The following CUX1 variants were observed in gnomAD, a reference collection of about 807,000 sequenced individuals.
CUX1 encodes the protein cut like homeobox 1.
A neutral mutation model predicts 158.8 loss-of-function variants in CUX1; 31 were observed. That is an observed-to-expected ratio of 0.20 (90% confidence interval 0.15 to 0.26). CUX1 has a LOEUF of 0.26. Ranked by LOEUF, CUX1 falls within the 10% of genes least tolerant of loss-of-function variation. The pLI is 1.00. For synonymous variants in CUX1, 879 were observed against 862.1 expected (o/e 1.02, Z -0.34); for missense variants, 1,589 against 2,014.6 (o/e 0.79, Z 4.04).
At chr7:102,179,018 C>T (rs1586070900) in intron 11 of CUX1, among the ~76,000 whole-genome samples, 1 of 152,176 alleles carries the variant, frequency 6.6e-6, no homozygotes, top group African/African-American at 2.4e-5. Context: ...GCGTGCATCA[C>T]CATGCCCGGC....
At chr7:102,033,548 A>T (rs1315541231) in intron 3 of CUX1, among the ~76,000 whole-genome samples, 1 of 152,240 alleles carries the variant, frequency 6.6e-6, no homozygotes, top group African/African-American at 2.4e-5. Flanking sequence ...AGGGAATGTT[A>T]TAAGCAACTT....
intron 8 of CUX1, among the ~76,000 whole-genome samples, chr7:102,126,543 C>T (rs782750590): frequency 1.3e-5 from 2 of 152,068 alleles, no homozygotes; most frequent in African/African-American, 2.4e-5. Flanking sequence ...CTAAACCCAT[C>T]GTAACTTGTA....
chr7:102,272,265 A>G (rs2960236), intron 14 of CUX1, among the ~76,000 whole-genome samples: 152,161 of 152,380 alleles, frequency 1, 75,971 homozygotes, highest in Middle Eastern at 1. Context: ...CCAGGACACT[A>G]AGCCCAGCCA....
At chr7:102,139,552 T>C (rs1395873888) in intron 8 of CUX1, among the ~76,000 whole-genome samples, 1 of 152,180 alleles carries the variant, frequency 6.6e-6, no homozygotes, top group Non-Finnish European at 1.5e-5. Flanking sequence ...CCCAGCACTT[T>C]GAGAGGCCAA....
chr7:102,171,442 T>G (rs1396790971), intron 10 of CUX1, among the ~76,000 whole-genome samples: 4 of 151,742 alleles, frequency 2.6e-5, no homozygotes, highest in South Asian at 2.1e-4. Context: ...GTTTTGGGTT[T>G]TTTTTTTTTT....
At chr7:101,911,085 C>T (rs1343325823) in intron 1 of CUX1, among the ~76,000 whole-genome samples, 1 of 152,282 alleles carries the variant, frequency 6.6e-6, no homozygotes, top group Non-Finnish European at 1.5e-5. Flanking sequence ...CCTGTGTGCA[C>T]GTAGGCCTTG....
chr7:101,857,885 G>A (rs1797043287), intron 1 of CUX1, among the ~76,000 whole-genome samples: 1 of 152,282 alleles, frequency 6.6e-6, no homozygotes, highest in South Asian at 2.1e-4. Flanking sequence ...CACTTTGGGA[G>A]GCCGAAGTGG....
At chr7:102,235,575 G>A (rs1366642597) in intron 22 of CUX1, among the ~76,000 whole-genome samples, 4 of 151,926 alleles carry the variant, frequency 2.6e-5, no homozygotes, top group South Asian at 2.1e-4. Context: ...GGTGGCGCAC[G>A]CCCGTAATCC....
chr7:102,277,292 G>A (rs1554547938), intron 17 of CUX1, among the ~76,000 whole-genome samples: 2 of 151,998 alleles, frequency 1.3e-5, no homozygotes, highest in Non-Finnish European at 1.5e-5. Context: ...GCAAGACCCT[G>A]TCTCTAAAAT....
At chr7:102,091,176 C>A (rs1828546390) in intron 4 of CUX1, among the ~76,000 whole-genome samples, 4 of 152,176 alleles carry the variant, frequency 2.6e-5, no homozygotes, top group African/African-American at 9.7e-5. Flanking sequence ...CCTCAACAAG[C>A]ATTAAAGCAC....
chr7:102,040,843 G>T (rs1821977319), intron 3 of CUX1, among the ~76,000 whole-genome samples: 1 of 152,200 alleles, frequency 6.6e-6, no homozygotes, highest in Non-Finnish European at 1.5e-5. Context: ...GCCCGACTTT[G>T]CTCATCTGTA....
intron 2 of CUX1, among the ~76,000 whole-genome samples, chr7:102,020,465 A>G (rs935066474): frequency 2.9e-4 from 44 of 152,234 alleles, no homozygotes; most frequent in African/African-American, 1.0e-3. Flanking sequence ...GAGCTCTTGT[A>G]TACATTGATA....
chr7:102,248,047 C>T lies in CUX1; in HGVS notation c.3888-365C>T, dbSNP rs945331301. On this transcript the variant is annotated intron_variant, in intron 23 of 23. Transcript: ENST00000292535. This position sits in a 1 kb window ranked among gnomAD's most constrained non-coding sequence, Gnocchi z 5.8. The stretch of plus-strand genomic sequence containing the variant: ...TCTGGAGGCTGAGGCAGGAGAATCG[C>T]TTGAACCCAGGAGGCAGAGGTTGCA... 6.6e-6 allele frequency among the ~76,000 whole-genome samples: 1 copy of T among 152,216 alleles called. No individual in the cohort carries two copies. Among genetic ancestry groups the T allele is most frequent in the Non-Finnish European group, 1.5e-5 (1 of 68,038 alleles).
chr7:101,854,696 TCACACAC>T lies in CUX1; in HGVS notation c.30+37028_30+37034del, dbSNP rs1562931360. On this transcript the variant is annotated intron_variant, in intron 1 of 23. Transcript: ENST00000292535. ...CAGTGATGGTTCTGCCTGTTTTTAG[TCACACAC>T]ACCTGCACACTTCAAAGGACTAAAA... Among the ~76,000 whole-genome samples the T allele has an allele frequency of 4.6e-5, 7 of 152,346 alleles. No individual in the cohort carries two copies. The South Asian group carries it at 1.5e-3, about 32-fold the overall frequency.
At chr7:102,173,977 C>T (rs1554511116) in intron 10 of CUX1, among the ~76,000 whole-genome samples, 2 of 152,160 alleles carry the variant, frequency 1.3e-5, no homozygotes, top group East Asian at 3.9e-4. Flanking sequence ...AGCAGAGAAA[C>T]GGTGGAGTCT....
intron 1 of CUX1, among the ~76,000 whole-genome samples, chr7:101,850,421 C>CTTTTTTTTTTTT (rs545679696): frequency 1.3e-4 from 14 of 104,648 alleles, no homozygotes; most frequent in East Asian, 2.7e-4. Flanking sequence ...TTCTTTCTTT[C>CTTTTTTTTTTTT]TTTTTTTTTT....
At chr7:102,075,790 TG>T (rs1290829528) in intron 4 of CUX1, among the ~76,000 whole-genome samples, 6 of 152,208 alleles carry the variant, frequency 3.9e-5, no homozygotes, top group Non-Finnish European at 5.9e-5. Flanking sequence ...CATTTTACTT[TG>T]TTGTCATTCT....
At chr7:102,199,255 G>T (rs1235975505) in intron 16 of CUX1, among the ~76,000 whole-genome samples, 1 of 152,190 alleles carries the variant, frequency 6.6e-6, no homozygotes, top group African/African-American at 2.4e-5. Flanking sequence ...TTTTAACTCG[G>T]AAACACACTC....
At chr7:102,277,946 C>G (rs575877304) in intron 17 of CUX1, 1 of 1,513,430 alleles carries the variant, frequency 6.6e-7, no homozygotes. Flanking sequence ...CCTCCCCCCC[C>G]AGGAGAACCG....
Sources: allele counts gnomAD v4.1 joint callset (sites outside exome capture counted in the v4.1 genomes callset), GRCh38; gene constraint gnomAD v4.1.1; non-coding constraint Gnocchi (gnomAD v3.1); transcripts MANE v1.5; gene names NCBI Gene and HGNC (gene_info 2026-07-23, HGNC 2026-07-21).